Variants in CNTN5 observed in about 807,000 individuals in gnomAD.
CNTN5 encodes the protein contactin 5, also known as contactin-5.
Under a neutral mutation model 129.1 loss-of-function variants are expected in CNTN5, and 77 were observed. That is an observed-to-expected ratio of 0.60 (90% CI 0.50 to 0.72). CNTN5 has a LOEUF of 0.72. Among genes scored for constraint, CNTN5 ranks in the 30% least tolerant of loss-of-function variants. The pLI is 0.00. For missense variants in CNTN5, 1,478 were observed against 1,328.8 expected (o/e 1.11, Z -1.75); for synonymous variants, 509 against 465.6 (o/e 1.09, Z -1.20).
At chr11:99,389,974 C>T (rs1941170030) in intron 2 of CNTN5, among the ~76,000 whole-genome samples, 1 of 152,062 alleles carries the variant, frequency 6.6e-6, no homozygotes, top group Non-Finnish European at 1.5e-5. Flanking sequence ...ACTCTTTGTC[C>T]AGTCCTCAAT....
intron 6 of CNTN5, among the ~76,000 whole-genome samples, chr11:99,899,159 T>C (rs113569809): frequency 3.3e-5 from 5 of 152,178 alleles, no homozygotes; most frequent in African/African-American, 9.6e-5. Flanking sequence ...TAAACAATCA[T>C]ATCTTCAGTG....
intron 13 of CNTN5, among the ~76,000 whole-genome samples, chr11:100,087,505 A>G (rs1406624755): frequency 1.3e-5 from 2 of 151,862 alleles, no homozygotes; most frequent in African/African-American, 4.8e-5. Flanking sequence ...ATGAGAAGTA[A>G]AAACACAAGC....
At chr11:99,180,955 A>T (rs929855763) in intron 1 of CNTN5, among the ~76,000 whole-genome samples, 1 of 152,230 alleles carries the variant, frequency 6.6e-6, no homozygotes, top group Admixed American at 6.5e-5. Flanking sequence ...GCAACATAAC[A>T]GTACGCAGCT....
intron 3 of CNTN5, among the ~76,000 whole-genome samples, chr11:99,647,941 G>T (rs532929405): frequency 5.9e-5 from 9 of 151,660 alleles, no homozygotes; most frequent in Admixed American, 5.3e-4. Flanking sequence ...AGGGTTTTTA[G>T]GTTTTTCTAT....
intron 2 of CNTN5, among the ~76,000 whole-genome samples, chr11:99,381,405 A>T (rs1940552480): frequency 6.6e-6 from 1 of 152,210 alleles, no homozygotes; most frequent in Non-Finnish European, 1.5e-5. Flanking sequence ...GAGTTAAAAG[A>T]TAGCATGGCT....
intron 1 of CNTN5, among the ~76,000 whole-genome samples, chr11:99,222,736 A>G (rs1860460468): frequency 6.6e-6 from 1 of 152,170 alleles, no homozygotes; most frequent in Non-Finnish European, 1.5e-5. Flanking sequence ...AATGCAGGAT[A>G]TAAAGTTTCT....
intron 2 of CNTN5, among the ~76,000 whole-genome samples, chr11:99,391,587 G>A (rs551645763): frequency 6.6e-6 from 1 of 152,186 alleles, no homozygotes; most frequent in African/African-American, 2.4e-5. Flanking sequence ...TTGATGCTCA[G>A]AGGAGCTATG....
At chr11:99,200,409 C>T (rs890959622) in intron 1 of CNTN5, among the ~76,000 whole-genome samples, 1 of 152,168 alleles carries the variant, frequency 6.6e-6, no homozygotes, top group Non-Finnish European at 1.5e-5. Context: ...ACCATCAGTA[C>T]CCAAAGTACG....
chr11:99,102,724 C>A (rs1866799404), intron 1 of CNTN5, among the ~76,000 whole-genome samples: 1 of 152,160 alleles, frequency 6.6e-6, no homozygotes, highest in African/African-American at 2.4e-5. Context: ...AGCCATTCAA[C>A]AAGTCTCTGG....
intron 3 of CNTN5, among the ~76,000 whole-genome samples, chr11:99,687,658 A>G (rs1419917538): frequency 6.6e-6 from 1 of 152,196 alleles, no homozygotes; most frequent in Non-Finnish European, 1.5e-5. Context: ...AATGAATACT[A>G]CATTTAGGTG....
chr11:99,523,266 A>G (rs1459365153), intron 2 of CNTN5, among the ~76,000 whole-genome samples: 2 of 152,322 alleles, frequency 1.3e-5, no homozygotes, highest in Admixed American at 6.5e-5. Flanking sequence ...GTATTTGAAC[A>G]TACTGGTACA....
intron 1 of CNTN5, among the ~76,000 whole-genome samples, chr11:99,145,377 C>CTT (rs56245559): frequency 0.03 from 4,551 of 149,670 alleles, 99 homozygotes; most frequent in Non-Finnish European, 0.045. Flanking sequence ...ACCAGAAACA[C>CTT]TTTTTTTTTT....
chr11:99,518,174 T>G (rs1411828716), intron 2 of CNTN5, among the ~76,000 whole-genome samples: 1 of 152,096 alleles, frequency 6.6e-6, no homozygotes, highest in African/African-American at 2.4e-5. Flanking sequence ...AAATCTGATT[T>G]GCTCAAGTTC....
intron 7 of CNTN5, among the ~76,000 whole-genome samples, chr11:99,926,288 A>C (rs966184460): frequency 6.6e-6 from 1 of 152,164 alleles, no homozygotes; most frequent in African/African-American, 2.4e-5. Context: ...TGGCACTTGG[A>C]AATGGGAATC....
At chr11:99,484,706 CAA>C (rs923656742) in intron 2 of CNTN5, among the ~76,000 whole-genome samples, 1 of 143,906 alleles carries the variant, frequency 6.9e-6, no homozygotes, top group Admixed American at 6.9e-5. Flanking sequence ...TAGTCAGCTA[CAA>C]AAAAAAAAGG....
At chr11:99,544,243 C>A (rs1477873950) in intron 2 of CNTN5, among the ~76,000 whole-genome samples, 1 of 152,104 alleles carries the variant, frequency 6.6e-6, no homozygotes. Flanking sequence ...CTGAACTGTT[C>A]ATGAAATATC....
chr11:99,375,302 C>CAAAAAAAAA (rs397848951), intron 2 of CNTN5, among the ~76,000 whole-genome samples: 5 of 53,564 alleles, frequency 9.3e-5, no homozygotes, highest in East Asian at 1.5e-3. Context: ...GAGTCTGTCT[C>CAAAAAAAAA]AAAAAAAAAA....
intron 6 of CNTN5, among the ~76,000 whole-genome samples, chr11:99,873,800 G>T (rs1320600383): frequency 6.6e-6 from 1 of 152,034 alleles, no homozygotes; most frequent in Non-Finnish European, 1.5e-5. Flanking sequence ...AAATCTTGTA[G>T]CTAACCTATA....
At chr11:99,779,216 G>T (rs1448354230) in intron 3 of CNTN5, among the ~76,000 whole-genome samples, 2 of 151,768 alleles carry the variant, frequency 1.3e-5, no homozygotes, top group East Asian at 1.9e-4. Flanking sequence ...TTCTCTACAA[G>T]TTTGTAGAAT....
Sources: allele counts gnomAD v4.1 joint callset (sites outside exome capture counted in the v4.1 genomes callset), GRCh38; gene constraint gnomAD v4.1.1; transcripts MANE v1.5; gene names NCBI Gene and HGNC (gene_info 2026-07-23, HGNC 2026-07-21).